The following GSE1 variants were observed in gnomAD, a reference collection of about 807,000 sequenced individuals.
GSE1 encodes the protein genetic suppressor element 1.
In GSE1, 32 loss-of-function variants were observed where a neutral mutation model predicts 112.6. The observed-to-expected ratio is 0.28, with a 90% CI of 0.21 to 0.38. The LOEUF is 0.38. GSE1 is among the 10% of genes least tolerant of loss of function. GSE1 has a pLI of 1.00. For synonymous variants in GSE1, 1,115 were observed against 735.6 expected (o/e 1.52, Z -8.35); for missense variants, 2,348 against 1,699.2 (o/e 1.38, Z -6.71).
At chr16:85,295,054 A>G (rs1216038822) in intron 1 of GSE1, among the ~76,000 whole-genome samples, 1 of 151,594 alleles carries the variant, frequency 6.6e-6, no homozygotes, top group Non-Finnish European at 1.5e-5. Flanking sequence ...CCACCAAATC[A>G]CCTCCTAAAA....
intron 2 of GSE1, among the ~76,000 whole-genome samples, chr16:85,366,768 A>G (rs369918572): frequency 6.6e-6 from 1 of 152,256 alleles, no homozygotes; most frequent in African/African-American, 2.4e-5. Flanking sequence ...AACTTGGGCA[A>G]TTGAAAAAAC....
In GSE1 at chr16:85,234,484, A is replaced by T. The variant is rs375216733; in HGVS notation, c.2283+62677A>T. Among the ~76,000 whole-genome samples, 8 of 152,224 alleles carry T rather than the reference A, an allele frequency of 5.3e-5. No homozygotes were observed. In the East Asian group the frequency reaches 1.2e-3, roughly 22 times the overall value. On this transcript the variant is annotated intron_variant, in intron 1 of 2. Transcript: ENST00000637419. ...GCCATTGCTATTCTCTGCCCTGGAG[A>T]CGGATGGGCGGTTAGGTGGGGCGGG...
At chr16:85,204,864 C>T (rs753460838) in intron 1 of GSE1, among the ~76,000 whole-genome samples, 2 of 152,216 alleles carry the variant, frequency 1.3e-5, no homozygotes, top group Admixed American at 1.3e-4. Flanking sequence ...CAGCTGTTTA[C>T]AGGGTCGTCC....
chr16:85,423,683 T>A (rs973403955), intron 2 of GSE1, among the ~76,000 whole-genome samples: 1 of 151,726 alleles, frequency 6.6e-6, no homozygotes, highest in Non-Finnish European at 1.5e-5. Context: ...AGTGGGAGTC[T>A]TACTCCACCA....
At chr16:85,396,240 C>T (rs1397161973) in intron 2 of GSE1, among the ~76,000 whole-genome samples, 1 of 152,232 alleles carries the variant, frequency 6.6e-6, no homozygotes, top group Non-Finnish European at 1.5e-5. Context: ...GGATAACACG[C>T]TGTCCTGCTC....
intron 1 of GSE1, among the ~76,000 whole-genome samples, chr16:85,210,624 G>T (rs1296399542): frequency 1.3e-5 from 2 of 152,106 alleles, no homozygotes; most frequent in Non-Finnish European, 2.9e-5. Flanking sequence ...ATGTTGAGTG[G>T]CCATAAGCAG....
chr16:85,373,526 G>C lies in GSE1; in HGVS notation c.2464+15883G>C, dbSNP rs2047346274. 6.6e-6 allele frequency among the ~76,000 whole-genome samples: 1 copy of C among 152,118 alleles called. No individual in the cohort carries two copies. Among genetic ancestry groups the C allele is most frequent in the Non-Finnish European group, 1.5e-5 (1 of 68,006 alleles). ...GGGATGCTGTGGCAGCTGCCTCCCGGGGCCCCTGGGAGAATGGGCTGGGGC... is the reference window on the plus strand; with the variant it reads ...GGGATGCTGTGGCAGCTGCCTCCCGCGGCCCCTGGGAGAATGGGCTGGGGC... On this transcript the variant is annotated intron_variant, in intron 2 of 2. Coordinates refer to the GSE1 transcript ENST00000637419. The surrounding 1 kb of genome is among the most constrained non-coding windows in gnomAD (Gnocchi z 5.1).
intron 2 of GSE1, among the ~76,000 whole-genome samples, chr16:85,510,581 T>A (rs1024114391): frequency 6.6e-6 from 1 of 152,228 alleles, no homozygotes; most frequent in Non-Finnish European, 1.5e-5. Flanking sequence ...TCTGAGGCTC[T>A]CTGCTGGAAA....
upstream of GSE1, among the ~76,000 whole-genome samples, chr16:85,611,993 C>G (rs1488278385): frequency 6.6e-6 from 1 of 152,094 alleles, no homozygotes; most frequent in African/African-American, 2.4e-5. Context: ...AAACCCGCAC[C>G]GCAGCGCAGC....
intron 1 of GSE1, among the ~76,000 whole-genome samples, chr16:85,248,149 C>T (rs1906064578): frequency 6.6e-6 from 1 of 152,182 alleles, no homozygotes; most frequent in Non-Finnish European, 1.5e-5. Flanking sequence ...TGCTGCTCAT[C>T]TTGTGGGGAC....
chr16:85,502,796 A>G (rs543592316), intron 2 of GSE1, among the ~76,000 whole-genome samples: 159 of 152,286 alleles, frequency 1.0e-3, no homozygotes, highest in African/African-American at 3.7e-3. Flanking sequence ...TTGTCCAGGG[A>G]TCCTCTGAAA....
At chr16:85,608,493 G>GT (rs1484959339), upstream of GSE1, among the ~76,000 whole-genome samples, 1 of 151,890 alleles carries the variant, frequency 6.6e-6, no homozygotes, top group East Asian at 1.9e-4. Flanking sequence ...CTGCCCAGAG[G>GT]TAAGAGCGTA....
chr16:85,436,573 C>T (rs2049251026), intron 2 of GSE1, among the ~76,000 whole-genome samples: 2 of 152,258 alleles, frequency 1.3e-5, no homozygotes, highest in African/African-American at 4.8e-5. Context: ...CAGTGAAACT[C>T]GGCCCAGAGT....
At chr16:85,616,297 G>T (rs2048367366) in intron 1 of GSE1, among the ~76,000 whole-genome samples, 1 of 152,268 alleles carries the variant, frequency 6.6e-6, no homozygotes. Flanking sequence ...TGAGGGGCAG[G>T]AGCTGGTGCC....
intron 2 of GSE1, among the ~76,000 whole-genome samples, chr16:85,478,857 TTCTTTCTTTCTTTC>T (rs2050552852): frequency 4.6e-5 from 1 of 21,830 alleles, no homozygotes; most frequent in South Asian, 1.5e-3. Flanking sequence ...CTTTCTTTCT[TTCTTTCTTTCTTTC>T]TTTCTTTCTT....
intron 1 of GSE1, among the ~76,000 whole-genome samples, chr16:85,322,025 CAGTGACCATTGCT>C: frequency 6.6e-6 from 1 of 152,356 alleles, no homozygotes; most frequent in East Asian, 1.9e-4. Context: ...CCTGCCTGGG[CAGTGACCATTGCT>C]AGGGGCTGGC....
chr16:85,430,153 C>T (rs1244893425), intron 2 of GSE1, among the ~76,000 whole-genome samples: 3 of 152,128 alleles, frequency 2.0e-5, no homozygotes, highest in South Asian at 2.1e-4. Flanking sequence ...ATCCCAGGGG[C>T]GAGGCTAGGA....
At chr16:85,576,528 G>A (rs867456631) in intron 1 of GSE1, among the ~76,000 whole-genome samples, 1 of 152,090 alleles carries the variant, frequency 6.6e-6, no homozygotes, top group South Asian at 2.1e-4. Flanking sequence ...CATCTGGGCC[G>A]CATGTCTTCC....
At chr16:85,622,421 T>A (rs568921700) in intron 1 of GSE1, among the ~76,000 whole-genome samples, 7 of 152,158 alleles carry the variant, frequency 4.6e-5, no homozygotes, top group Non-Finnish European at 4.4e-5. Flanking sequence ...CAGGTCATAT[T>A]GGGGAGGGTG....
Sources: gnomAD v4.1 joint callset for allele counts (sites outside exome capture counted in the v4.1 genomes callset) on GRCh38, gnomAD v4.1.1 for gene constraint, Gnocchi (gnomAD v3.1) non-coding constraint, MANE v1.5 for transcripts, NCBI Gene and HGNC (gene_info 2026-07-23, HGNC 2026-07-21) for gene names.